Variants in CCDC85A observed in about 807,000 individuals in gnomAD.
CCDC85A encodes the protein coiled-coil domain-containing protein 85A.
In CCDC85A, 38 loss-of-function variants were observed where a neutral mutation model predicts 50.2. That is an observed-to-expected ratio of 0.76 (90% CI 0.58 to 0.99). The LOEUF is 0.99. CCDC85A is among the 50% of genes least tolerant of loss of function. The pLI is 0.00. For synonymous variants in CCDC85A, 366 were observed against 301.4 expected (o/e 1.21, Z -2.22); for missense variants, 820 against 742.0 (o/e 1.11, Z -1.22).
chr2:56,291,740 T>C (rs1464493270), intron 2 of CCDC85A, among the ~76,000 whole-genome samples: 2 of 151,142 alleles, frequency 1.3e-5, no homozygotes, highest in Admixed American at 1.3e-4. Context: ...CTGAATTACA[T>C]GTTTGGTTTT....
At chr2:56,189,295 G>GTTTTTT (rs773078371) in intron 1 of CCDC85A, among the ~76,000 whole-genome samples, 1 of 100,444 alleles carries the variant, frequency 1.0e-5, no homozygotes, top group Non-Finnish European at 2.0e-5. Context: ...GGTATTTTTG[G>GTTTTTT]TGTTTTTTTT....
intron 2 of CCDC85A, among the ~76,000 whole-genome samples, chr2:56,243,207 C>G (rs1669344132): frequency 1.3e-5 from 2 of 152,072 alleles, no homozygotes; most frequent in African/African-American, 4.8e-5. Context: ...GTTATTAACC[C>G]TTTGAATAAA....
chr2:56,202,864 C>G (rs374369061), intron 2 of CCDC85A, among the ~76,000 whole-genome samples: 9 of 152,222 alleles, frequency 5.9e-5, no homozygotes, highest in African/African-American at 2.2e-4. Context: ...CCCATCCACC[C>G]AAACAGAATA....
intron 3 of CCDC85A, among the ~76,000 whole-genome samples, chr2:56,364,262 G>T (rs1282334863): frequency 6.6e-6 from 1 of 151,820 alleles, no homozygotes; most frequent in South Asian, 2.1e-4. Flanking sequence ...TTCTTCCTGG[G>T]GTTTGCCCTT....
chr2:56,270,642 T>C (rs1206521300), intron 2 of CCDC85A, among the ~76,000 whole-genome samples: 2 of 152,228 alleles, frequency 1.3e-5, no homozygotes, highest in African/African-American at 4.8e-5. Flanking sequence ...TTTAATGAAC[T>C]CTCGTTTTAG....
intron 2 of CCDC85A, among the ~76,000 whole-genome samples, chr2:56,274,707 G>C (rs1202043366): frequency 6.6e-6 from 1 of 152,158 alleles, no homozygotes; most frequent in African/African-American, 2.4e-5. Context: ...CATGAAGTTA[G>C]CCATCATAAT....
At chr2:56,202,716 T>C (rs1676795365) in intron 2 of CCDC85A, among the ~76,000 whole-genome samples, 1 of 152,194 alleles carries the variant, frequency 6.6e-6, no homozygotes, top group African/African-American at 2.4e-5. Context: ...TTGATGACAT[T>C]TAAAAGGTCA....
At chr2:56,208,393 A>G (rs1558584724) in intron 2 of CCDC85A, among the ~76,000 whole-genome samples, 1 of 152,170 alleles carries the variant, frequency 6.6e-6, no homozygotes, top group East Asian at 1.9e-4. Flanking sequence ...AGATATACAC[A>G]TCAACCGACA....
intron 1 of CCDC85A, among the ~76,000 whole-genome samples, chr2:56,188,834 AAC>A (rs1676162715): frequency 6.6e-6 from 1 of 152,234 alleles, no homozygotes; most frequent in African/African-American, 2.4e-5. Context: ...TCAGTCCATA[AAC>A]ACATATTGAG....
chr2:56,323,539 C>T (rs942473518), intron 2 of CCDC85A, among the ~76,000 whole-genome samples: 3 of 151,674 alleles, frequency 2.0e-5, no homozygotes, highest in Admixed American at 2.0e-4. Context: ...GTTCCAAATG[C>T]CCCCCTTGTT....
chr2:56,211,855 C>G (rs921615837), intron 2 of CCDC85A, among the ~76,000 whole-genome samples: 2 of 152,030 alleles, frequency 1.3e-5, no homozygotes, highest in African/African-American at 4.8e-5. Context: ...TTCTCCTCAT[C>G]TCTAATATCT....
chr2:56,249,171 C>A (rs1021691635), intron 2 of CCDC85A, among the ~76,000 whole-genome samples: 10 of 152,212 alleles, frequency 6.6e-5, no homozygotes, highest in Non-Finnish European at 1.3e-4. Flanking sequence ...TGCTGTAACT[C>A]ATATAGATCA....
At chr2:56,246,352 T>A (rs1296837823) in intron 2 of CCDC85A, among the ~76,000 whole-genome samples, 1 of 152,214 alleles carries the variant, frequency 6.6e-6, no homozygotes, top group African/African-American at 2.4e-5. Context: ...TTCCTGATAA[T>A]GTCCTTTGAA....
chr2:56,242,469 A>T (rs1169585074), intron 2 of CCDC85A, among the ~76,000 whole-genome samples: 1 of 152,026 alleles, frequency 6.6e-6, no homozygotes, highest in Non-Finnish European at 1.5e-5. Context: ...GAGAAAGTTG[A>T]TGGGGGAGAT....
At chr2:56,307,971 A>C (rs959829738) in intron 2 of CCDC85A, among the ~76,000 whole-genome samples, 1 of 152,208 alleles carries the variant, frequency 6.6e-6, no homozygotes, top group Non-Finnish European at 1.5e-5. Context: ...AACAGTAAAC[A>C]CTTAAGTGTC....
At chr2:56,229,036 G>A (rs562841072) in intron 2 of CCDC85A, among the ~76,000 whole-genome samples, 16 of 152,258 alleles carry the variant, frequency 1.1e-4, no homozygotes, top group African/African-American at 3.6e-4. Context: ...AAGATCCTTT[G>A]AACTTCTGCT....
chr2:56,338,456 A>G (rs1674191408), intron 2 of CCDC85A, among the ~76,000 whole-genome samples: 1 of 152,128 alleles, frequency 6.6e-6, no homozygotes, highest in Non-Finnish European at 1.5e-5. Flanking sequence ...GATGTGGTCA[A>G]TGTGTTCCAG....
chr2:56,251,173 G>A (rs1669738325), intron 2 of CCDC85A, among the ~76,000 whole-genome samples: 2 of 152,220 alleles, frequency 1.3e-5, no homozygotes, highest in South Asian at 2.1e-4. Context: ...GGTGAACAAA[G>A]GGTATGGGTC....
At chr2:56,373,994 A>G (rs1402045637) in intron 4 of CCDC85A, among the ~76,000 whole-genome samples, 1 of 152,218 alleles carries the variant, frequency 6.6e-6, no homozygotes, top group East Asian at 1.9e-4. Flanking sequence ...TTTTAACTTC[A>G]GATAATTTCC....
Sources: gnomAD v4.1 joint callset for allele counts (sites outside exome capture counted in the v4.1 genomes callset) on GRCh38, gnomAD v4.1.1 for gene constraint, MANE v1.5 for transcripts, NCBI Gene and HGNC (gene_info 2026-07-23, HGNC 2026-07-21) for gene names.